Variants in FARP1 observed in about 807,000 individuals in gnomAD.
FARP1 encodes FERM, ARH/RhoGEF and pleckstrin domain protein 1, also known as FERM, ARHGEF and pleckstrin domain-containing protein 1.
Under a neutral mutation model 128.8 loss-of-function variants are expected in FARP1, and 52 were observed. The observed-to-expected ratio is 0.40, with a 90% CI of 0.32 to 0.51. The LOEUF is 0.51. Among genes scored for constraint, FARP1 ranks in the 20% least tolerant of loss-of-function variants. The pLI is 0.45. For missense variants in FARP1, 1,333 were observed against 1,367.9 expected (o/e 0.97, Z 0.40); for synonymous variants, 580 against 551.8 (o/e 1.05, Z -0.72).
intron 2 of FARP1, among the ~76,000 whole-genome samples, chr13:98,253,217 A>C (rs1883429871): frequency 6.6e-6 from 1 of 152,212 alleles, no homozygotes; most frequent in Non-Finnish European, 1.5e-5. Flanking sequence ...GCATTAAGGA[A>C]TGCTGTTAAA....
At chr13:98,164,148 T>C (rs1877078372) in intron 1 of FARP1, among the ~76,000 whole-genome samples, 1 of 152,206 alleles carries the variant, frequency 6.6e-6, no homozygotes, top group Admixed American at 6.5e-5. Flanking sequence ...AGAGTTTACC[T>C]AATAGCATGT....
chr13:98,234,703 GAAAT>G (rs1882321374), intron 2 of FARP1: 1 of 152,154 alleles, frequency 6.6e-6, no homozygotes, highest in African/African-American at 2.4e-5. Context: ...AACAAAAAGA[GAAAT>G]AAATGAATGT....
intron 2 of FARP1, among the ~76,000 whole-genome samples, chr13:98,315,021 G>A (rs908511019): frequency 5.3e-5 from 8 of 152,238 alleles, no homozygotes; most frequent in African/African-American, 1.2e-4. Flanking sequence ...GGGAGGCCAA[G>A]TCATGGATGG....
At chr13:98,391,413 G>T (rs1177804438) in intron 11 of FARP1, among the ~76,000 whole-genome samples, 5 of 152,014 alleles carry the variant, frequency 3.3e-5, no homozygotes, top group African/African-American at 1.2e-4. Flanking sequence ...TGAGTAGCTG[G>T]GACCACAGGT....
intron 1 of FARP1, among the ~76,000 whole-genome samples, chr13:98,206,407 T>TGCACACCTGTCCCTGTTATTCC (rs1880270741): frequency 6.6e-6 from 1 of 152,218 alleles, no homozygotes; most frequent in Non-Finnish European, 1.5e-5. Context: ...ACTGTGAATC[T>TGCACACCTGTCCCTGTTATTCC]GCACACCTGT....
chr13:98,305,631 C>A (rs1161374926), intron 2 of FARP1, among the ~76,000 whole-genome samples: 1 of 152,168 alleles, frequency 6.6e-6, no homozygotes, highest in Non-Finnish European at 1.5e-5. Flanking sequence ...ACCACGCGGG[C>A]CCTGAGAATT....
chr13:98,324,603 GA>G (rs1052513319), intron 2 of FARP1, among the ~76,000 whole-genome samples: 3 of 151,830 alleles, frequency 2.0e-5, no homozygotes, highest in Non-Finnish European at 4.4e-5. Context: ...ACTATTTTCA[GA>G]AAAAAAAGGC....
At chr13:98,196,422 T>C (rs371436577) in intron 1 of FARP1, among the ~76,000 whole-genome samples, 1 of 152,200 alleles carries the variant, frequency 6.6e-6, no homozygotes, top group Non-Finnish European at 1.5e-5. Context: ...GTCAGGGTAG[T>C]GTCAGTCTAA....
chr13:98,438,900 C>G lies in FARP1; in HGVS notation c.2343+28C>G, dbSNP rs750730331. The G allele has an allele frequency of 3.0e-5, 48 of 1,608,082 alleles. 1 individual carries two copies. The South Asian group carries it at 5.2e-4, about 17-fold the overall frequency. ...GAGTGGAGAGAGCGGCTTGTCCTCA[C>G]AAGGATTGTGTCACCTGGGCAAGCA... On this transcript the variant is annotated intron_variant, in intron 20 of 26. Transcript: ENST00000319562.
At position 98,358,715 on chromosome 13, in the gene FARP1, A is replaced by G. The variant is rs534956151; in HGVS notation, c.277-6680A>G. 2.0e-5 allele frequency among the ~76,000 whole-genome samples: 3 copies of G among 152,068 alleles called. No individual in the cohort carries two copies. In the East Asian group the frequency reaches 5.8e-4, roughly 29 times the overall value. On this transcript the variant is annotated intron_variant, in intron 3 of 26. Coordinates refer to ENST00000319562, the MANE Select transcript of FARP1 (RefSeq NM_005766.4). The stretch of plus-strand genomic sequence containing the variant: ...CAATGGCGCGATCTTGGCTCACTGT[A>G]ACCTCCGCCTCGCAGGTTCAAGTGA...
chr13:98,144,996 G>A (rs1875414372), intron 1 of FARP1, among the ~76,000 whole-genome samples: 1 of 152,292 alleles, frequency 6.6e-6, no homozygotes, highest in South Asian at 2.1e-4. Context: ...CTGCAGCAAG[G>A]CATCAATATT....
chr13:98,308,033 CTTTTTTT>C (rs10536692), intron 2 of FARP1, among the ~76,000 whole-genome samples: 2,532 of 16,928 alleles, frequency 0.15, 251 homozygotes, highest in African/African-American at 0.33. Context: ...CACTCTCTCT[CTTTTTTT>C]TTTTTTTTTT....
At chr13:98,448,071 C>G (rs1892967529) in intron 26 of FARP1, 165 bp from the exon 27 acceptor site, 1 of 653,024 alleles carries the variant, frequency 1.5e-6, no homozygotes, top group African/African-American at 1.8e-5. Flanking sequence ...TCCACTGTAC[C>G]TCAGGAACGC....
rs572192240 is a variant in FARP1, at chr13:98,236,865, G to A, written c.171+23452G>A. Reference sequence around the variant, plus strand: ...AAATTCGCCAGGCGTGGTGGCACACGCCTGTAATCCCAGCTACTCCGGAGG... The same window carrying A: ...AAATTCGCCAGGCGTGGTGGCACACACCTGTAATCCCAGCTACTCCGGAGG... On this transcript the variant is annotated intron_variant, in intron 2 of 26. Coordinates refer to ENST00000319562, the MANE Select transcript of FARP1 (RefSeq NM_005766.4). 3.9e-5 allele frequency among the ~76,000 whole-genome samples: 6 copies of A among 152,096 alleles called. No homozygotes were observed. In the South Asian group the frequency reaches 8.3e-4, roughly 21 times the overall value.
intron 3 of FARP1, among the ~76,000 whole-genome samples, chr13:98,351,610 T>TAA (rs67814587): frequency 0.032 from 4,038 of 124,558 alleles, 82 homozygotes; most frequent in Middle Eastern, 0.054. Context: ...AGACTCCATC[T>TAA]AAAAAAAAAA....
chr13:98,392,323 CAAAAAAAAAAA>C (rs11289484), intron 11 of FARP1, among the ~76,000 whole-genome samples: 3 of 60,410 alleles, frequency 5.0e-5, no homozygotes, highest in African/African-American at 6.6e-5. Context: ...CATCTCTACC[CAAAAAAAAAAA>C]AAAAAAAAAA....
chr13:98,343,762 C>A lies in FARP1; in HGVS notation c.172C>A (p.Gln58Lys). The A allele has an allele frequency of 1.2e-6, 2 of 1,612,250 alleles. No homozygotes were observed. The change falls in exon 3 of 27, where the codon CAA (glutamine) becomes AAA (lysine). Residue 58 changes from glutamine (Q) to lysine (K), a missense_variant and splice_region_variant. Gln to Lys is a moderately conservative substitution (Grantham distance 53). Transcript: ENST00000319562. The stretch of plus-strand genomic sequence containing the variant: ...TAACCCCTGTTGTTTCTGCTCACAG[C>A]AAAGAGCTCCTGGGAAGGTGCTGCT... ...DDTQEAFEVP[Q>K]RAPGKVLLDA...
intron 2 of FARP1, among the ~76,000 whole-genome samples, chr13:98,315,383 G>A (rs1473180789): frequency 2.6e-5 from 4 of 152,160 alleles, no homozygotes; most frequent in Non-Finnish European, 4.4e-5. Flanking sequence ...GGGATTACAG[G>A]TATGAGCACC....
At chr13:98,252,312 A>G (rs1883374336) in intron 2 of FARP1, among the ~76,000 whole-genome samples, 5 of 152,232 alleles carry the variant, frequency 3.3e-5, no homozygotes, top group Admixed American at 3.3e-4. Context: ...AGACTAAAAG[A>G]ATATCAGTGC....
Sources: gnomAD v4.1 joint callset for allele counts (sites outside exome capture counted in the v4.1 genomes callset) on GRCh38, gnomAD v4.1.1 for gene constraint, MANE v1.5 for transcripts, NCBI Gene and HGNC (gene_info 2026-07-23, HGNC 2026-07-21) for gene names.